The following ST3GAL1 variants were observed in gnomAD, a reference collection of about 807,000 sequenced individuals.
ST3GAL1 encodes the protein CMP-N-acetylneuraminate-beta-galactosamide-alpha-2,3-sialyltransferase 1.
ST3GAL1 carries 16 observed loss-of-function variants against 34.1 expected under a neutral mutation model. That is an observed-to-expected ratio of 0.47 (90% CI 0.32 to 0.71). The LOEUF is 0.71. Ranked by LOEUF, ST3GAL1 falls within the 30% of genes least tolerant of loss-of-function variation. The pLI is 0.04. For missense variants in ST3GAL1, 353 were observed against 447.4 expected (o/e 0.79, Z 1.90); for synonymous variants, 191 against 184.7 (o/e 1.03, Z -0.28).
intron 2 of ST3GAL1, among the ~76,000 whole-genome samples, chr8:133,520,394 C>G (rs2131025986): frequency 6.6e-6 from 1 of 152,310 alleles, no homozygotes; most frequent in East Asian, 1.9e-4. Flanking sequence ...GACACTTCTG[C>G]CTTCAAAATG....
intron 5 of ST3GAL1, among the ~76,000 whole-genome samples, chr8:133,470,588 G>C (rs1247020262): frequency 1.3e-5 from 2 of 152,198 alleles, no homozygotes; most frequent in African/African-American, 4.8e-5. Context: ...CTGGTGGCCT[G>C]AGCTCCTTGG....
At chr8:133,509,139 G>A (rs903839992) in intron 2 of ST3GAL1, among the ~76,000 whole-genome samples, 3 of 152,160 alleles carry the variant, frequency 2.0e-5, no homozygotes, top group South Asian at 2.1e-4. Flanking sequence ...ACTAATTAGT[G>A]TTCCTAACTA....
chr8:133,541,130 G>GAGAGAC lies in ST3GAL1; in HGVS notation c.-429+4643_-429+4644insGTCTCT, dbSNP rs1818514825. 1.5e-5 allele frequency among the ~76,000 whole-genome samples: 2 copies of GAGAGAC among 131,424 alleles called. 1 individual carries two copies. The highest frequency in any genetic ancestry group is 3.1e-5 in the Non-Finnish European group (2 of 63,592). The allele number at this position is 131,424 out of a possible 152,430, so 86.2% of individuals were successfully genotyped here. A position where few individuals can be genotyped will look rare whatever the true frequency, so the allele number is the denominator to read the frequency against. On this transcript the variant is annotated intron_variant, in intron 2 of 9. Transcript: ENST00000522652. ...ATATATATATATATATAGAGAGAGA[G>GAGAGAC]AGAGAGAGAGAGAGAGAGAGAGACT...
chr8:133,528,694 T>C (rs766492955), intron 2 of ST3GAL1, among the ~76,000 whole-genome samples: 1 of 152,248 alleles, frequency 6.6e-6, no homozygotes, highest in Non-Finnish European at 1.5e-5. Flanking sequence ...CAAATGTGAA[T>C]AGTCATGAGA....
intron 2 of ST3GAL1, among the ~76,000 whole-genome samples, chr8:133,518,111 G>C (rs1817696447): frequency 6.6e-6 from 1 of 152,182 alleles, no homozygotes; most frequent in Non-Finnish European, 1.5e-5. Context: ...GTGTTCCAAC[G>C]GTCACCTCTG....
intron 3 of ST3GAL1, among the ~76,000 whole-genome samples, chr8:133,478,659 T>C (rs1415591955): frequency 6.6e-6 from 1 of 152,220 alleles, no homozygotes. Context: ...CACCCTGCTT[T>C]GCCGATGGCT....
rs146542828 is a variant in ST3GAL1 at position 133,532,408 on chromosome 8, C to T, written c.-429+13366G>A. 9.7e-3 allele frequency among the ~76,000 whole-genome samples: 1,478 copies of T among 151,808 alleles called. 25 individuals are homozygous for T. The highest frequency in any genetic ancestry group is 0.034 in the African/African-American group (1,397 of 41,356). ...CTGGGAGGCGGAGGTTGCAGTGAGC[C>T]GAGATTGCACCACTGCACTCCAGCC... On this transcript the variant is annotated intron_variant, in intron 2 of 9. Coordinates refer to ENST00000522652, the MANE Select transcript of ST3GAL1 (RefSeq NM_173344.3).
At chr8:133,477,705 C>T (rs1053738494) in intron 3 of ST3GAL1, among the ~76,000 whole-genome samples, 2 of 152,096 alleles carry the variant, frequency 1.3e-5, no homozygotes, top group South Asian at 2.1e-4. Flanking sequence ...CTGGCTCTCA[C>T]CGACACCTTG....
chr8:133,562,851 T>TTTC (rs767650148), intron 1 of ST3GAL1, among the ~76,000 whole-genome samples: 295 of 13,964 alleles, frequency 0.021, 2 homozygotes, highest in Middle Eastern at 0.12. Flanking sequence ...CCTTTCTTTC[T>TTTC]TTTTTTTTTT....
At chr8:133,555,157 A>C (rs2131093845) in intron 1 of ST3GAL1, among the ~76,000 whole-genome samples, 1 of 152,202 alleles carries the variant, frequency 6.6e-6, no homozygotes, top group Middle Eastern at 3.4e-3. Flanking sequence ...GCCTTTCCAG[A>C]ATTGAACTGA....
At chr8:133,568,439 C>T (rs946413240) in intron 1 of ST3GAL1, among the ~76,000 whole-genome samples, 4 of 152,186 alleles carry the variant, frequency 2.6e-5, no homozygotes, top group Admixed American at 1.3e-4. Context: ...CACAACGGAA[C>T]GAAGCTGCAT....
Position 133,466,690 on chromosome 8 carries a change from A to C in ST3GAL1, c.307-600T>G, listed in dbSNP as rs543804373. Among the ~76,000 whole-genome samples, 2 of 152,106 alleles carry C rather than the reference A, an allele frequency of 1.3e-5. No homozygotes were observed. Among genetic ancestry groups the C allele is most frequent in the South Asian group, 4.2e-4 (2 of 4,798 alleles). The stretch of plus-strand genomic sequence containing the variant: ...GGACATCTGCCATCTTTCCTGCCTG[A>C]CCCTCAGTTCCCCCGGCCCCAGCAC... On this transcript the variant is annotated intron_variant, in intron 5 of 9. Coordinates refer to ENST00000522652, the MANE Select transcript of ST3GAL1 (RefSeq NM_173344.3). This position sits in a 1 kb window ranked among gnomAD's most constrained non-coding sequence, Gnocchi z 4.4.
intron 3 of ST3GAL1, among the ~76,000 whole-genome samples, chr8:133,477,343 G>A (rs13275760): frequency 0.44 from 66,854 of 152,094 alleles, 15,168 homozygotes; most frequent in Non-Finnish European, 0.49. Flanking sequence ...GAGCTGAGAG[G>A]ATGAGATATT....
intron 2 of ST3GAL1, among the ~76,000 whole-genome samples, chr8:133,500,746 C>T (rs1238779305): frequency 1.3e-5 from 2 of 152,170 alleles, no homozygotes; most frequent in African/African-American, 4.8e-5. Context: ...GTAAAGCATG[C>T]TTGGCCTCTC....
intron 5 of ST3GAL1, among the ~76,000 whole-genome samples, chr8:133,474,146 T>A (rs570074959): frequency 2.0e-5 from 3 of 152,220 alleles, no homozygotes; most frequent in Non-Finnish European, 4.4e-5. Flanking sequence ...AGAATCTACC[T>A]GGATAACCTC....
At chr8:133,473,998 C>A (rs1816065376) in intron 5 of ST3GAL1, among the ~76,000 whole-genome samples, 1 of 152,184 alleles carries the variant, frequency 6.6e-6, no homozygotes, top group Non-Finnish European at 1.5e-5. Context: ...CAGAGCCCAC[C>A]CCAGGACCTG....
intron 2 of ST3GAL1, among the ~76,000 whole-genome samples, chr8:133,521,884 G>A (rs994393257): frequency 3.9e-4 from 60 of 152,224 alleles, no homozygotes; most frequent in African/African-American, 1.4e-3. Flanking sequence ...GAACTACTAA[G>A]ATAGGTACTT....
chr8:133,554,106 T>C (rs527391575), intron 1 of ST3GAL1, among the ~76,000 whole-genome samples: 2 of 152,294 alleles, frequency 1.3e-5, no homozygotes, highest in South Asian at 4.1e-4. Context: ...AGGATTTCTG[T>C]CTTTAGGGAA....
intron 9 of ST3GAL1, among the ~76,000 whole-genome samples, chr8:133,460,431 G>T (rs1314813241): frequency 3.9e-5 from 6 of 152,202 alleles, no homozygotes; most frequent in Non-Finnish European, 8.8e-5. Flanking sequence ...CAAGAATCAT[G>T]ATTGCAGTGA....
Sources: gnomAD v4.1 joint callset for allele counts (sites outside exome capture counted in the v4.1 genomes callset) on GRCh38, gnomAD v4.1.1 for gene constraint, Gnocchi (gnomAD v3.1) non-coding constraint, MANE v1.5 for transcripts, NCBI Gene and HGNC (gene_info 2026-07-23, HGNC 2026-07-21) for gene names.